DNAJC13: variants seen among roughly 807,000 people sequenced by gnomAD.
DNAJC13 encodes DnaJ heat shock protein family (Hsp40) member C13.
A neutral mutation model predicts 290.5 loss-of-function variants in DNAJC13; 75 were observed. That is an observed-to-expected ratio of 0.26 (90% CI 0.21 to 0.31). The LOEUF is 0.31. DNAJC13 is among the 10% of genes least tolerant of loss of function. The probability of loss-of-function intolerance (pLI) is 1.00; values close to 1 mark genes in which losing one functional copy is unlikely to be tolerated. For missense variants in DNAJC13, 2,260 were observed against 2,674.5 expected (o/e 0.85, Z 3.42); for synonymous variants, 862 against 892.0 (o/e 0.97, Z 0.60).
chr3:132,472,685 A>C (rs1400796938), intron 20 of DNAJC13: 1 of 760,088 alleles, frequency 1.3e-6, no homozygotes, highest in African/African-American at 1.9e-5. Flanking sequence ...ATGTGTTTGA[A>C]TGTAGACACA....
chr3:132,472,692 C>A, intron 20 of DNAJC13: 1 of 701,726 alleles, frequency 1.4e-6, no homozygotes, highest in Non-Finnish European at 1.8e-6. Context: ...TGAATGTAGA[C>A]ACATTTCTTC....
rs373038678 is a variant in DNAJC13, at chr3:132,492,397, G to C, written c.3624-17G>C. The C allele has an allele frequency of 5.8e-5, 94 of 1,612,792 alleles. No individual in the cohort carries two copies. Among genetic ancestry groups the C allele is most frequent in the Non-Finnish European group, 7.0e-5 (83 of 1,179,394 alleles). On this transcript the variant is annotated splice_polypyrimidine_tract_variant and intron_variant, in intron 32 of 55. Transcript: ENST00000260818. Reference sequence around the variant, plus strand: ...TAATACCTCATAAAGCTTGAATGGAGGTTTTTATGATTGTAGGCGCCTGAT... The same window carrying C: ...TAATACCTCATAAAGCTTGAATGGACGTTTTTATGATTGTAGGCGCCTGAT...
At position 132,475,216 on chromosome 3, in the gene DNAJC13, A is replaced by C. The variant is rs559644377; in HGVS notation, c.2445+131A>C. 3 of 590,764 alleles carry C rather than the reference A, an allele frequency of 5.1e-6. No individual in the cohort carries two copies. The East Asian group carries it at 1.0e-4, about 20-fold the overall frequency. 36.6% of individuals were successfully genotyped at this position (590,764 alleles called of 1,614,324 possible). Reference sequence around the variant, plus strand: ...CTTTCCCCCTTTAATGTTATGTAGGAAATACTGGAAAACTTTAATCTGTGT... The same window carrying C: ...CTTTCCCCCTTTAATGTTATGTAGGCAATACTGGAAAACTTTAATCTGTGT... On this transcript the variant is annotated intron_variant, in intron 22 of 55. Transcript: ENST00000260818.
chr3:132,431,708 T>C (rs1432528156), intron 1 of DNAJC13, among the ~76,000 whole-genome samples: 1 of 152,208 alleles, frequency 6.6e-6, no homozygotes, highest in Non-Finnish European at 1.5e-5. Context: ...AGTTGTATTA[T>C]TCATAATAGC....
At chr3:132,535,881 C>G (rs1432381856) in intron 55 of DNAJC13, among the ~76,000 whole-genome samples, 1 of 152,022 alleles carries the variant, frequency 6.6e-6, no homozygotes. Context: ...GACACATCCT[C>G]AAGGAGAGGC....
intron 48 of DNAJC13, among the ~76,000 whole-genome samples, chr3:132,517,763 G>GA (rs1472690158): frequency 4.7e-5 from 7 of 150,264 alleles, no homozygotes; most frequent in Non-Finnish European, 7.4e-5. Flanking sequence ...AGTTCAGTTT[G>GA]AAAAAAAAAG....
At chr3:132,418,222 G>T (rs972976559) in intron 1 of DNAJC13, among the ~76,000 whole-genome samples, 1 of 152,096 alleles carries the variant, frequency 6.6e-6, no homozygotes, top group African/African-American at 2.4e-5. Flanking sequence ...GTTTCGTTTT[G>T]TTAGGAAATG....
chr3:132,516,005 T>A (rs1462206553), intron 46 of DNAJC13, among the ~76,000 whole-genome samples: 1 of 152,168 alleles, frequency 6.6e-6, no homozygotes, highest in East Asian at 1.9e-4. Flanking sequence ...TGGAACCCGG[T>A]CTTACAACTG....
intron 1 of DNAJC13, among the ~76,000 whole-genome samples, chr3:132,425,564 T>C (rs891284662): frequency 2.6e-5 from 4 of 152,208 alleles, no homozygotes; most frequent in African/African-American, 9.6e-5. Flanking sequence ...TTTTTAGTTA[T>C]TGAGGGCAGA....
chr3:132,430,164 T>C (rs1372904496), intron 1 of DNAJC13, among the ~76,000 whole-genome samples: 1 of 152,118 alleles, frequency 6.6e-6, no homozygotes, highest in African/African-American at 2.4e-5. Flanking sequence ...CTCTCTGGAG[T>C]CTGGTGCTTT....
intron 2 of DNAJC13, 33 bp downstream of exon 2, chr3:132,434,651 C>G: frequency 6.5e-7 from 1 of 1,531,652 alleles, no homozygotes; most frequent in Non-Finnish European, 8.9e-7. Context: ...TTTTTCTGTG[C>G]TTCTATAAAA....
chr3:132,430,815 A>G (rs1418626290), intron 1 of DNAJC13, among the ~76,000 whole-genome samples: 1 of 152,188 alleles, frequency 6.6e-6, no homozygotes, highest in Non-Finnish European at 1.5e-5. Flanking sequence ...GAAGGCAGGG[A>G]TAATTCTTAC....
intron 2 of DNAJC13, among the ~76,000 whole-genome samples, chr3:132,438,218 T>A (rs1217455790): frequency 6.6e-6 from 1 of 152,208 alleles, no homozygotes; most frequent in African/African-American, 2.4e-5. Context: ...TTCTGTTGAT[T>A]TCAGTGTATA....
intron 1 of DNAJC13, among the ~76,000 whole-genome samples, chr3:132,422,775 C>T (rs1181715838): frequency 2.0e-5 from 3 of 152,150 alleles, no homozygotes; most frequent in African/African-American, 7.2e-5. Context: ...TTCAGATGCT[C>T]TTTATTCAAT....
At chr3:132,487,430 G>A (rs982363869) in intron 29 of DNAJC13, among the ~76,000 whole-genome samples, 3 of 151,144 alleles carry the variant, frequency 2.0e-5, no homozygotes, top group Non-Finnish European at 4.4e-5. Flanking sequence ...CTAATTTTTT[G>A]TACTTTTAGT....
chr3:132,428,060 G>C (rs921898668), intron 1 of DNAJC13, among the ~76,000 whole-genome samples: 1 of 152,200 alleles, frequency 6.6e-6, no homozygotes, highest in Admixed American at 6.5e-5. Context: ...TGTGATCAGT[G>C]CCCTAGGGAG....
chr3:132,433,229 G>A (rs1939286681), intron 1 of DNAJC13, among the ~76,000 whole-genome samples: 1 of 152,162 alleles, frequency 6.6e-6, no homozygotes, highest in African/African-American at 2.4e-5. Context: ...CTTTTATAAT[G>A]AGGAAATTGT....
At chr3:132,486,058 T>C (rs2107701929) in intron 29 of DNAJC13, among the ~76,000 whole-genome samples, 2 of 150,306 alleles carry the variant, frequency 1.3e-5, no homozygotes, top group South Asian at 4.2e-4. Context: ...TGAAAAAGAC[T>C]TCTAAATACA....
intron 2 of DNAJC13, among the ~76,000 whole-genome samples, chr3:132,436,142 T>G (rs1032940929): frequency 6.6e-6 from 1 of 152,184 alleles, no homozygotes; most frequent in African/African-American, 2.4e-5. Flanking sequence ...ATCACTGTTT[T>G]GAGAACACTT....
Sources: allele counts gnomAD v4.1 joint callset (sites outside exome capture counted in the v4.1 genomes callset), GRCh38; gene constraint gnomAD v4.1.1; transcripts MANE v1.5; gene names NCBI Gene and HGNC (gene_info 2026-07-23, HGNC 2026-07-21).